The following HBS1L variants were observed in gnomAD, a reference collection of about 807,000 sequenced individuals.
HBS1L encodes HBS1-like protein.
A neutral mutation model predicts 88.9 loss-of-function variants in HBS1L; 55 were observed. That is an observed-to-expected ratio of 0.62 (90% confidence interval 0.50 to 0.77). The LOEUF is 0.77. Among genes scored for constraint, HBS1L ranks in the 30% least tolerant of loss-of-function variants. The pLI is 0.00. For missense variants in HBS1L, 741 were observed against 829.3 expected (o/e 0.89, Z 1.31); for synonymous variants, 267 against 288.5 (o/e 0.93, Z 0.76).
Position 134,966,430 on chromosome 6 carries a change from G to A in HBS1L, c.1942C>T (p.Gln648Ter), listed in dbSNP as rs1436130387. ...TATAGCTCAAGAGCTATTGGTCTTT[G>A]TGTCTGTAGCTCTACCAATGCATTC... ...GQNALVELQT[Q>*]RPIALELYKD... Residue 648 changes from glutamine to a stop codon, truncating the protein, a stop_gained, in exon 17 of 18, where the codon CAA becomes TAA. Coordinates refer to ENST00000367837, the MANE Select transcript of HBS1L (RefSeq NM_006620.4). LOFTEE classifies it high-confidence loss of function. The A allele has an allele frequency of 6.2e-7, 1 of 1,611,452 alleles. No homozygotes were observed. Among genetic ancestry groups the A allele is most frequent in the Non-Finnish European group, 8.5e-7 (1 of 1,178,518 alleles).
At chr6:135,030,568 A>T (rs1776355770) in intron 4 of HBS1L, among the ~76,000 whole-genome samples, 1 of 152,176 alleles carries the variant, frequency 6.6e-6, no homozygotes, top group Non-Finnish European at 1.5e-5. Context: ...TAGTTTAGAA[A>T]ACTTATTCTG....
At chr6:135,044,018 C>G (rs979070487) in intron 2 of HBS1L, among the ~76,000 whole-genome samples, 1 of 152,090 alleles carries the variant, frequency 6.6e-6, no homozygotes, top group South Asian at 2.1e-4. Flanking sequence ...CCACGTAGCT[C>G]CACATTCCTC....
At chr6:135,011,357 A>T (rs1469931279) in intron 4 of HBS1L, among the ~76,000 whole-genome samples, 9 of 152,052 alleles carry the variant, frequency 5.9e-5, no homozygotes, top group Admixed American at 5.9e-4. Context: ...CCACACACAC[A>T]AAAAAATTTT....
At chr6:135,001,322 C>T (rs540621632) in intron 5 of HBS1L, among the ~76,000 whole-genome samples, 2 of 152,192 alleles carry the variant, frequency 1.3e-5, no homozygotes, top group East Asian at 1.9e-4. Flanking sequence ...ACATTTATTA[C>T]CCATTATCTT....
rs1298324602 is a variant in HBS1L at position 134,969,249 on chromosome 6, C to T, written c.1887G>A (p.Lys629=). Residue 629 remains lysine (K), a synonymous_variant, in exon 16 of 18, where the codon AAG becomes AAA. Transcript: ENST00000367837. The part of the protein sequence containing the change: ...VLNKSTGEVT[K]KKPKFLTKGQ... The stretch of plus-strand genomic sequence containing the variant: ...ATTAAAACACTCACTTAGGCTTTTT[C>T]TTTGTGACTTCACCCGTGCTTTTGT... 2 of 1,609,896 alleles carry T rather than the reference C, an allele frequency of 1.2e-6. No homozygotes were observed. Among genetic ancestry groups the T allele is most frequent in the Non-Finnish European group, 1.7e-6 (2 of 1,176,628 alleles).
intron 8 of HBS1L, among the ~76,000 whole-genome samples, chr6:134,990,417 A>T (rs921848378): frequency 1.3e-5 from 2 of 152,136 alleles, no homozygotes; most frequent in African/African-American, 4.8e-5. Context: ...CATGCCTTGT[A>T]TGCTTCCTTG....
At chr6:135,006,644 G>A (rs1775621526) in intron 4 of HBS1L, among the ~76,000 whole-genome samples, 1 of 152,164 alleles carries the variant, frequency 6.6e-6, no homozygotes, top group African/African-American at 2.4e-5. Flanking sequence ...AAAGCAAGAA[G>A]TAGGAAAAAC....
intron 11 of HBS1L, 54 bp from the exon 12 acceptor site, chr6:134,985,463 C>T (rs1348985136): frequency 2.6e-6 from 3 of 1,141,334 alleles, no homozygotes; most frequent in Non-Finnish European, 2.6e-6. Flanking sequence ...AAATTTTTGA[C>T]TCACTTCAAT....
chr6:134,977,772 T>A (rs112410882), intron 15 of HBS1L, among the ~76,000 whole-genome samples: 2 of 151,948 alleles, frequency 1.3e-5, no homozygotes, highest in African/African-American at 4.8e-5. Context: ...GAGAAACATT[T>A]ATTGTCATGC....
intron 4 of HBS1L, among the ~76,000 whole-genome samples, chr6:135,024,309 G>A (rs1365431715): frequency 2.0e-5 from 3 of 151,714 alleles, no homozygotes; most frequent in Non-Finnish European, 2.9e-5. Flanking sequence ...GCATGGTGGC[G>A]GGTGCCTGTA....
intron 1 of HBS1L, 66 bp downstream of exon 1, chr6:135,054,583 T>C: frequency 1.3e-6 from 2 of 1,575,620 alleles, no homozygotes; most frequent in South Asian, 1.1e-5. Flanking sequence ...TTGAAGTGGA[T>C]GCCAACGGGC....
In HBS1L at chr6:134,965,261, G is replaced by A; in HGVS notation, c.*18C>T. ...GCTATTTCACTGTATCCAGAAACGT[G>A]GTAGAAATTCTGACCCATCATTCTT... On this transcript the variant is annotated 3_prime_UTR_variant, in exon 18 of 18. Coordinates refer to ENST00000367837, the MANE Select transcript of HBS1L (RefSeq NM_006620.4). 1 of 1,569,454 alleles carries A rather than the reference G, an allele frequency of 6.4e-7. No homozygotes were observed. The highest frequency in any genetic ancestry group is 8.7e-7 in the Non-Finnish European group (1 of 1,143,716).
At position 134,986,747 on chromosome 6, in the gene HBS1L, C is replaced by T; in HGVS notation, c.1294G>A (p.Ala432Thr). ...TAAAATGATCTTACCTTAAAACCTG[C>T]TTGCTTAAGAAAGTGCCCAAGTTTT... is the stretch of plus-strand genomic sequence containing the variant. ...TGKLGHFLKQ[A>T]GFKESDVGFI... Residue 432 changes from alanine to threonine, a missense_variant, in exon 10 of 18, where the codon GCA (alanine) becomes ACA (threonine). Physicochemically the swap from Ala to Thr is moderately conservative, Grantham distance 58. Around this residue, in one of 3 missense-constraint regions of HBS1L, gnomAD observed 556 missense variants for 598.4 expected, o/e 0.93. Transcript: ENST00000367837. 3.2e-6 allele frequency: 5 copies of T among 1,558,760 alleles called. No homozygotes were observed. The highest frequency in any genetic ancestry group is 1.2e-5 in the South Asian group (1 of 82,114).
At chr6:134,997,259 G>A in intron 6 of HBS1L, 138 bp downstream of exon 6, 1 of 979,894 alleles carries the variant, frequency 1.0e-6, no homozygotes. Context: ...CACATGACTA[G>A]AAAGCATTAT....
chr6:135,043,635 A>C (rs1015469722), intron 2 of HBS1L, among the ~76,000 whole-genome samples: 1 of 152,234 alleles, frequency 6.6e-6, no homozygotes, highest in Non-Finnish European at 1.5e-5. Context: ...AATGAGTAAT[A>C]CCAGACAACA....
At chr6:134,979,757 T>A (rs756815500) in intron 13 of HBS1L, among the ~76,000 whole-genome samples, 64 of 152,030 alleles carry the variant, frequency 4.2e-4, no homozygotes, top group African/African-American at 1.2e-4. Flanking sequence ...ATGGGACATG[T>A]ACACTCAGTC....
At position 135,042,083 on chromosome 6, in the gene HBS1L, C is replaced by T. The variant is rs368241560; in HGVS notation, c.153G>A (p.Glu51=). 1.9e-6 allele frequency: 3 copies of T among 1,612,898 alleles called. No homozygotes were observed. The African/African-American group carries it at 4.0e-5, about 22-fold the overall frequency. ...CTTCATAATCATATTCTTCCACAGGCTCAACGGAAGGTTTGTCACGCCGTG... is the reference window on the plus strand; with the variant it reads ...CTTCATAATCATATTCTTCCACAGGTTCAACGGAAGGTTTGTCACGCCGTG... ...IYSRRDKPSV[E]PVEEYDYEDL... Residue 51 remains glutamate, a synonymous_variant, in exon 3 of 18, where the codon GAG becomes GAA. Coordinates refer to ENST00000367837, the MANE Select transcript of HBS1L (RefSeq NM_006620.4).
chr6:135,024,455 A>C lies in HBS1L; in HGVS notation c.430+15118T>G, dbSNP rs1419829284. 9.3e-5 allele frequency among the ~76,000 whole-genome samples: 14 copies of C among 150,096 alleles called. No homozygotes were observed. The South Asian group carries it at 2.3e-3, about 25-fold the overall frequency. On this transcript the variant is annotated intron_variant, in intron 4 of 17. Coordinates refer to ENST00000367837, the MANE Select transcript of HBS1L (RefSeq NM_006620.4). ...ACTTCGTCTCAAAAAAAAAAAAAAA[A>C]AAAAAAACACAAAACAAGAATGATG...
chr6:135,014,342 T>C (rs1775856804), intron 4 of HBS1L, among the ~76,000 whole-genome samples: 1 of 152,200 alleles, frequency 6.6e-6, no homozygotes, highest in South Asian at 2.1e-4. Flanking sequence ...CTAGATACGA[T>C]CTTGGATCTT....
Sources: allele counts gnomAD v4.1 joint callset (sites outside exome capture counted in the v4.1 genomes callset), GRCh38; gene constraint gnomAD v4.1.1; regional missense constraint gnomAD v4.1.1; transcripts MANE v1.5; gene names NCBI Gene and HGNC (gene_info 2026-07-23, HGNC 2026-07-21).